Variants in ST3GAL4 observed in about 807,000 individuals in gnomAD.
The protein encoded by ST3GAL4 is ST3 beta-galactoside alpha-2,3-sialyltransferase 4, also known as CMP-N-acetylneuraminate-beta-galactosamide-alpha-2,3-sialyltransferase 4.
ST3GAL4 carries 24 observed loss-of-function variants against 42.6 expected under a neutral mutation model. The ratio of observed to expected loss-of-function variants is 0.56; its 90% CI spans 0.41 to 0.79. The LOEUF (loss-of-function observed/expected upper bound fraction) is 0.79. Among genes scored for constraint, ST3GAL4 ranks in the 30% least tolerant of loss-of-function variants. The probability of loss-of-function intolerance (pLI) is 0.00; values close to 1 mark genes in which losing one functional copy is unlikely to be tolerated. For synonymous variants in ST3GAL4, 135 were observed against 163.2 expected (o/e 0.83, Z 1.32); for missense variants, 311 against 430.8 (o/e 0.72, Z 2.46).
At position 126,409,905 on chromosome 11, in the gene ST3GAL4, T is replaced by C. The variant is rs549582286; in HGVS notation, c.771+494T>C. 6.6e-6 allele frequency among the ~76,000 whole-genome samples: 1 copy of C among 151,902 alleles called. No homozygotes were observed. The highest frequency in any genetic ancestry group is 2.4e-5 in the African/African-American group (1 of 41,324). On this transcript the variant is annotated intron_variant, in intron 9 of 10. Transcript: ENST00000444328. This position sits in a 1 kb window ranked among gnomAD's most constrained non-coding sequence, Gnocchi z 4.9. Reference sequence around the variant, plus strand: ...TCAATGTAGTTTTGCAAGTTATGGGTTTTTGTTTTGTTTTAAAGATAGCGT... The same window carrying C: ...TCAATGTAGTTTTGCAAGTTATGGGCTTTTGTTTTGTTTTAAAGATAGCGT...
chr11:126,405,417 C>A (rs1487313177), intron 1 of ST3GAL4, among the ~76,000 whole-genome samples: 2 of 152,238 alleles, frequency 1.3e-5, no homozygotes, highest in African/African-American at 4.8e-5. Flanking sequence ...CCTCCCAGCT[C>A]CCTGTGCTCC....
intron 1 of ST3GAL4, among the ~76,000 whole-genome samples, chr11:126,357,760 T>A (rs1021578836): frequency 6.6e-6 from 1 of 152,242 alleles, no homozygotes; most frequent in African/African-American, 2.4e-5. Context: ...CTGGCCACCA[T>A]CTGCCCTTGC....
In ST3GAL4 at chr11:126,391,744, T is replaced by G. The variant is rs1953521639; in HGVS notation, c.-60-14352T>G. On this transcript the variant is annotated intron_variant, in intron 1 of 10. Transcript: ENST00000444328. The surrounding 1 kb of genome is among the most constrained non-coding windows in gnomAD (Gnocchi z 5.5). ...TCGTGGTGGGGCCAGTGGCAGTGGA[T>G]CTCTCTCTTTGTTGGGCTGGGCCAG... Among the ~76,000 whole-genome samples the G allele has an allele frequency of 6.6e-6, 1 of 152,046 alleles. No individual in the cohort carries two copies.
rs1010346613 is a variant in ST3GAL4, at chr11:126,383,240, G to T, written c.-60-22856G>T. On this transcript the variant is annotated intron_variant, in intron 1 of 10. Coordinates refer to ENST00000444328, the MANE Select transcript of ST3GAL4 (RefSeq NM_001254757.2). This position sits in a 1 kb window ranked among gnomAD's most constrained non-coding sequence, Gnocchi z 4.5. The stretch of plus-strand genomic sequence containing the variant: ...GGAGCTGAGCCTGGCTGGGCAGAGG[G>T]CGAGGAGCCCAGGATTCCCCTTTCC... Among the ~76,000 whole-genome samples, 8 of 152,214 alleles carry T rather than the reference G, an allele frequency of 5.3e-5. No individual in the cohort carries two copies. The highest frequency in any genetic ancestry group is 4.6e-4 in the Admixed American group (7 of 15,288).
chr11:126,400,176 T>C lies in ST3GAL4; in HGVS notation c.-60-5920T>C, dbSNP rs1010736395. Among the ~76,000 whole-genome samples the C allele has an allele frequency of 1.3e-5, 2 of 152,374 alleles. No homozygotes were observed. Among genetic ancestry groups the C allele is most frequent in the African/African-American group, 4.8e-5 (2 of 41,582 alleles). On this transcript the variant is annotated intron_variant, in intron 1 of 10. Transcript: ENST00000444328. This position sits in a 1 kb window ranked among gnomAD's most constrained non-coding sequence, Gnocchi z 4.6. ...TATAATGAATAGAATTTTATTTGGC[T>C]CATGGTTCTGGAGGCTGGGAAGTCC...
Position 126,363,263 on chromosome 11 carries a change from AC to A in ST3GAL4, c.-61+7425del. Among the ~76,000 whole-genome samples the A allele has an allele frequency of 6.6e-6, 1 of 151,664 alleles. No homozygotes were observed. The highest frequency in any genetic ancestry group is 1.9e-4 in the East Asian group (1 of 5,162). On this transcript the variant is annotated intron_variant, in intron 1 of 10. Coordinates refer to ENST00000444328, the MANE Select transcript of ST3GAL4 (RefSeq NM_001254757.2). The surrounding 1 kb of genome is among the most constrained non-coding windows in gnomAD (Gnocchi z 4.6). ...CCCTTTCTGTCTGCCTTCTCTTTCC[AC>A]CCCTAGATTTCTCACCATCTTCAGT...
Position 126,373,281 on chromosome 11 carries a change from T to C in ST3GAL4, c.-61+17439T>C, listed in dbSNP as rs921214825. On this transcript the variant is annotated intron_variant, in intron 1 of 10. Transcript: ENST00000444328. This position sits in a 1 kb window ranked among gnomAD's most constrained non-coding sequence, Gnocchi z 5.5. ...GAGGTGGGGAGTGCAACTTCCCCAA[T>C]TTTGCCTTTAACTTCAGATCCTTGG... Among the ~76,000 whole-genome samples, 8 of 152,172 alleles carry C rather than the reference T, an allele frequency of 5.3e-5. No homozygotes were observed. The highest frequency in any genetic ancestry group is 1.9e-4 in the African/African-American group (8 of 41,452).
intron 1 of ST3GAL4, among the ~76,000 whole-genome samples, chr11:126,381,968 G>A (rs561474297): frequency 4.9e-4 from 75 of 152,002 alleles, no homozygotes; most frequent in East Asian, 2.6e-3. Flanking sequence ...CTGGTCCCGG[G>A]CCCCCTCCCA....
intron 1 of ST3GAL4, among the ~76,000 whole-genome samples, chr11:126,390,759 C>T (rs959691225): frequency 2.0e-5 from 3 of 151,784 alleles, no homozygotes; most frequent in Non-Finnish European, 2.9e-5. Flanking sequence ...AATGTGCTAC[C>T]GTGCTACCAT....
At position 126,407,716 on chromosome 11, in the gene ST3GAL4, C is replaced by T. The variant is rs553969766; in HGVS notation, c.341+82C>T. ...CCGCTCCCCCCACTCCCCACCCCCCCGCTCTGTGAAACAGTCATGGACTGG... is the reference window on the plus strand; with the variant it reads ...CCGCTCCCCCCACTCCCCACCCCCCTGCTCTGTGAAACAGTCATGGACTGG... On this transcript the variant is annotated intron_variant, in intron 6 of 10. Transcript: ENST00000444328. 7.9e-5 allele frequency: 109 copies of T among 1,378,338 alleles called. 1 individual carries two copies. The African/African-American group carries it at 1.0e-3, about 13-fold the overall frequency. The allele number at this position is 1,378,338 out of a possible 1,614,324, so 85.4% of individuals were successfully genotyped here.
In ST3GAL4 at chr11:126,396,884, T is replaced by C. The variant is rs1194321629; in HGVS notation, c.-60-9212T>C. ...GAACTCACAGGGTCGAGATCATATT[T>C]AACACTTTCACAGCCCTTAGAAGTG... is the stretch of plus-strand genomic sequence containing the variant. On this transcript the variant is annotated intron_variant, in intron 1 of 10. Transcript: ENST00000444328. This position sits in a 1 kb window ranked among gnomAD's most constrained non-coding sequence, Gnocchi z 5.8. Among the ~76,000 whole-genome samples the C allele has an allele frequency of 6.6e-6, 1 of 152,088 alleles. No homozygotes were observed. Among genetic ancestry groups the C allele is most frequent in the Non-Finnish European group, 1.5e-5 (1 of 68,030 alleles).
At chr11:126,413,807 T>G (rs1236887270) in intron 10 of ST3GAL4, among the ~76,000 whole-genome samples, 154 bp from the exon 11 acceptor site, 3 of 152,290 alleles carry the variant, frequency 2.0e-5, no homozygotes, top group Non-Finnish European at 2.9e-5. Context: ...ATCCTCCATG[T>G]TCAGCCACAT....
chr11:126,403,452 TC>T lies in ST3GAL4; in HGVS notation c.-60-2641del, dbSNP rs1384030258. On this transcript the variant is annotated intron_variant, in intron 1 of 10. Transcript: ENST00000444328. ...GGTGAAATGAGCTCTTTGTAGTGTT[TC>T]CCGCCCAGGCTGCATTTTAGAATCA... 5 of 985,292 alleles carry T rather than the reference TC, an allele frequency of 5.1e-6. No individual in the cohort carries two copies. The Admixed American group carries it at 1.8e-4, about 36-fold the overall frequency. The allele number at this position is 985,292 out of a possible 1,614,324, so 61.0% of individuals were successfully genotyped here.
In ST3GAL4 at chr11:126,383,543, C is replaced by T. The variant is rs901837450; in HGVS notation, c.-60-22553C>T. Among the ~76,000 whole-genome samples the T allele has an allele frequency of 9.9e-5, 15 of 151,742 alleles. 1 individual carries two copies. The highest frequency in any genetic ancestry group is 2.7e-4 in the African/African-American group (11 of 41,286). On this transcript the variant is annotated intron_variant, in intron 1 of 10. Coordinates refer to ENST00000444328, the MANE Select transcript of ST3GAL4 (RefSeq NM_001254757.2). This position sits in a 1 kb window ranked among gnomAD's most constrained non-coding sequence, Gnocchi z 4.5. ...GGAAGCTGTATGTGGGCATGGGGGGCGGGGGCAGAGAGGAGGAGGACTGAG... is the reference window on the plus strand; with the variant it reads ...GGAAGCTGTATGTGGGCATGGGGGGTGGGGGCAGAGAGGAGGAGGACTGAG...
Position 126,359,626 on chromosome 11 carries a change from T to C in ST3GAL4, c.-61+3784T>C, listed in dbSNP as rs1323267841. Among the ~76,000 whole-genome samples, 1 of 152,204 alleles carries C rather than the reference T, an allele frequency of 6.6e-6. No individual in the cohort carries two copies. The highest frequency in any genetic ancestry group is 1.5e-5 in the Non-Finnish European group (1 of 68,030). ...AAGGTGGAACACAAACCCTGACCTC[T>C]GAGTGCTCTCCCGAACCCCACATCC... On this transcript the variant is annotated intron_variant, in intron 1 of 10. Transcript: ENST00000444328. The surrounding 1 kb of genome is among the most constrained non-coding windows in gnomAD (Gnocchi z 4.8).
rs1400279886 is a variant in ST3GAL4, at chr11:126,378,564, C to T, written c.-61+22722C>T. On this transcript the variant is annotated intron_variant, in intron 1 of 10. Coordinates refer to ENST00000444328, the MANE Select transcript of ST3GAL4 (RefSeq NM_001254757.2). The surrounding 1 kb of genome is among the most constrained non-coding windows in gnomAD (Gnocchi z 5.3). ...GCTGGGACTACAGGCACCACCACCA[C>T]GCCCAGCTATTTTTTTGTATTTTTA... 6.6e-6 allele frequency among the ~76,000 whole-genome samples: 1 copy of T among 152,106 alleles called. No homozygotes were observed. Among genetic ancestry groups the T allele is most frequent in the Non-Finnish European group, 1.5e-5 (1 of 68,016 alleles).
chr11:126,357,439 GA>G (rs1952109221), intron 1 of ST3GAL4, among the ~76,000 whole-genome samples: 1 of 152,162 alleles, frequency 6.6e-6, no homozygotes, highest in African/African-American at 2.4e-5. Flanking sequence ...TTAGCTTGGG[GA>G]TGGGTTGTTG....
In ST3GAL4 at chr11:126,366,431, C is replaced by T. The variant is rs535470974; in HGVS notation, c.-61+10589C>T. Among the ~76,000 whole-genome samples the T allele has an allele frequency of 7.2e-5, 11 of 152,056 alleles. No individual in the cohort carries two copies. The highest frequency in any genetic ancestry group is 6.2e-4 in the South Asian group (3 of 4,824). On this transcript the variant is annotated intron_variant, in intron 1 of 10. Coordinates refer to ENST00000444328, the MANE Select transcript of ST3GAL4 (RefSeq NM_001254757.2). The surrounding 1 kb of genome is among the most constrained non-coding windows in gnomAD (Gnocchi z 4.2). ...GCCTGTGTCTGTGTGATCTGGTTCC[C>T]GGGTGTCTGAGTAGGGACCAATGTG...
intron 1 of ST3GAL4, among the ~76,000 whole-genome samples, chr11:126,360,497 A>G (rs1045336695): frequency 1.3e-5 from 2 of 152,054 alleles, no homozygotes; most frequent in Non-Finnish European, 2.9e-5. Flanking sequence ...GATCTCGGCT[A>G]ACTGCAACCT....
Sources: gnomAD v4.1 joint callset for allele counts (sites outside exome capture counted in the v4.1 genomes callset) on GRCh38, gnomAD v4.1.1 for gene constraint, Gnocchi (gnomAD v3.1) non-coding constraint, MANE v1.5 for transcripts, NCBI Gene and HGNC (gene_info 2026-07-23, HGNC 2026-07-21) for gene names.